MCM6: variants seen among roughly 807,000 people sequenced by gnomAD.
The protein encoded by MCM6 is minichromosome maintenance complex component 6.
Under a neutral mutation model 94.3 loss-of-function variants are expected in MCM6, and 46 were observed. The ratio of observed to expected loss-of-function variants is 0.49; its 90% confidence interval spans 0.39 to 0.62. The LOEUF is 0.62. Ranked by LOEUF, MCM6 falls within the 20% of genes least tolerant of loss-of-function variation. MCM6 has a pLI of 0.00. For missense variants in MCM6, 865 were observed against 1,017.9 expected (o/e 0.85, Z 2.04); for synonymous variants, 335 against 351.9 (o/e 0.95, Z 0.54).
rs751471309 is a variant in MCM6 at position 135,864,986 on chromosome 2, T to C, written c.1078+27A>G. On this transcript the variant is annotated intron_variant, in intron 7 of 16. Coordinates refer to ENST00000264156, the MANE Select transcript of MCM6 (RefSeq NM_005915.6). ...ATAATCATTATTTTGATTTCAAGTT[T>C]ATGGTACAAATGGATGGAATTCTTA... 2.2e-6 allele frequency: 3 copies of C among 1,349,012 alleles called. No individual in the cohort carries two copies. In the East Asian group the frequency reaches 8.0e-5, roughly 36 times the overall value. The allele number at this position is 1,349,012 out of a possible 1,614,324, so 83.6% of individuals were successfully genotyped here. A position where few individuals can be genotyped will look rare whatever the true frequency, so the allele number is the denominator to read the frequency against.
rs4988164 is a variant in MCM6 at position 135,870,438 on chromosome 2, G to A, written c.255-77C>T. ...TCCCTTTACATACCTACCAACAGCC[G>A]AGATTAAGGAATTTCATCTGGTTAC... On this transcript the variant is annotated intron_variant, in intron 2 of 16. Transcript: ENST00000264156. The A allele has an allele frequency of 3.4e-3, 3,213 of 932,108 alleles. 53 individuals carry two copies. In the African/African-American group the frequency reaches 0.047, roughly 14 times the overall value. The allele number at this position is 932,108 out of a possible 1,614,324, so 57.7% of individuals were successfully genotyped here.
intron 14 of MCM6, among the ~76,000 whole-genome samples, chr2:135,847,228 A>G (rs1442960520): frequency 7.2e-5 from 11 of 152,142 alleles, no homozygotes; most frequent in Non-Finnish European, 1.0e-4. Flanking sequence ...AGTCTGGGCA[A>G]TATGGCGAGA....
chr2:135,840,579 T>C lies in MCM6; in HGVS notation c.*256A>G, dbSNP rs894880032. 2 of 418,852 alleles carry C rather than the reference T, an allele frequency of 4.8e-6. No homozygotes were observed. Among genetic ancestry groups the C allele is most frequent in the African/African-American group, 2.0e-5 (1 of 50,104 alleles). The allele number at this position is 418,852 out of a possible 1,614,324, so 25.9% of individuals were successfully genotyped here. On this transcript the variant is annotated 3_prime_UTR_variant, in exon 17 of 17. Transcript: ENST00000264156. ...CACATGAAAACAAAGGTATTGGTTA[T>C]AGAGACTACACATTATTTGGTTCCA...
At chr2:135,849,145 T>C (rs925106676) in intron 13 of MCM6, among the ~76,000 whole-genome samples, 1 of 152,204 alleles carries the variant, frequency 6.6e-6, no homozygotes, top group Non-Finnish European at 1.5e-5. Flanking sequence ...TAGGAAGGCA[T>C]TTCTCTATCC....
In MCM6 at chr2:135,857,892, C is replaced by G. The variant is rs1445709068; in HGVS notation, c.1470+5G>C. 1.1e-5 allele frequency: 17 copies of G among 1,609,610 alleles called. No homozygotes were observed. Among genetic ancestry groups the G allele is most frequent in the Non-Finnish European group, 1.3e-5 (15 of 1,176,138 alleles). ...TGCAGCAGAACAGAAGTAGATAACA[C>G]ATACCTTCACTCCTGCTTTAGTGAT... On this transcript the variant is annotated splice_donor_5th_base_variant and intron_variant, in intron 10 of 16. Transcript: ENST00000264156.
At chr2:135,855,746 G>A (rs1239347660) in intron 11 of MCM6, among the ~76,000 whole-genome samples, 1 of 152,174 alleles carries the variant, frequency 6.6e-6, no homozygotes, top group Admixed American at 6.5e-5. Context: ...AAGTTCCACT[G>A]TAACAAAGAG....
intron 2 of MCM6, 130 bp from the exon 3 acceptor site, chr2:135,870,491 G>C: frequency 1.6e-6 from 1 of 633,218 alleles, no homozygotes; most frequent in Non-Finnish European, 2.8e-6. Context: ...TAACTGTGTA[G>C]GACACTTCTA....
At chr2:135,862,473 A>G (rs1030179502) in intron 8 of MCM6, 134 bp downstream of exon 8, 5 of 982,974 alleles carry the variant, frequency 5.1e-6, no homozygotes, top group Non-Finnish European at 7.2e-6. Flanking sequence ...ACTTTAATCT[A>G]TGAGAATTAT....
chr2:135,875,029 G>C (rs1426820882), intron 1 of MCM6, among the ~76,000 whole-genome samples: 4 of 152,160 alleles, frequency 2.6e-5, no homozygotes, highest in Admixed American at 2.6e-4. Flanking sequence ...AGAGGGTAAC[G>C]GAGGAGAGTT....
In MCM6 at chr2:135,868,788, T is replaced by C. The variant is rs1343219625; in HGVS notation, c.438A>G (p.Pro146=). The change falls in exon 4 of 17, where the codon CCA becomes CCG. Residue 146 remains proline, a synonymous_variant. Transcript: ENST00000264156. ...RISGQVVRTH[P]VHPELVSGTF... is the part of the protein sequence containing the mutation. ...TTCCGCTCACAAGCTCTGGGTGAAC[T>C]GGGTGAGTCCGCACCACCTGCCCAC... The C allele has an allele frequency of 1.2e-6, 2 of 1,614,208 alleles. No individual in the cohort carries two copies. Among genetic ancestry groups the C allele is most frequent in the Non-Finnish European group, 1.7e-6 (2 of 1,180,030 alleles).
intron 2 of MCM6, among the ~76,000 whole-genome samples, chr2:135,872,252 C>T (rs779766080): frequency 2.9e-4 from 44 of 152,052 alleles, no homozygotes; most frequent in Non-Finnish European, 4.7e-4. Context: ...TCGAGACCAG[C>T]CTGACCAACA....
At chr2:135,845,212 C>A (rs1481101835) in intron 15 of MCM6, among the ~76,000 whole-genome samples, 1 of 152,196 alleles carries the variant, frequency 6.6e-6, no homozygotes, top group African/African-American at 2.4e-5. Flanking sequence ...ACTAAGTGAA[C>A]TGCCTGCTGC....
intron 9 of MCM6, 136 bp from the exon 10 acceptor site, chr2:135,858,140 G>A (rs1287221161): frequency 2.7e-6 from 2 of 740,140 alleles, no homozygotes; most frequent in African/African-American, 3.5e-5. Flanking sequence ...GTTACAGTGA[G>A]CCATGATTGC....
Position 135,846,298 on chromosome 2 carries a change from G to A in MCM6, c.2148C>T (p.Gly716=). ...TAGAGATTCGGCAGTACTCAGAGAA[G>A]CCCAGCCTTAAGGAGGCTTTGGGAG... ...ESAPKASLRL[G]FSEYCRISNL... The change falls in exon 15 of 17, where the codon GGC becomes GGT. Residue 716 remains glycine, a synonymous_variant. Coordinates refer to ENST00000264156, the MANE Select transcript of MCM6 (RefSeq NM_005915.6). 1 of 1,614,104 alleles carries A rather than the reference G, an allele frequency of 6.2e-7. No individual in the cohort carries two copies. Among genetic ancestry groups the A allele is most frequent in the Non-Finnish European group, 8.5e-7 (1 of 1,179,982 alleles).
At chr2:135,858,377 C>T (rs1193750671) in intron 9 of MCM6, among the ~76,000 whole-genome samples, 1 of 152,126 alleles carries the variant, frequency 6.6e-6, no homozygotes, top group Non-Finnish European at 1.5e-5. Context: ...ATCCCAGATA[C>T]TCGGGAGGCT....
At chr2:135,847,930 T>C (rs1679702021) in intron 14 of MCM6, 123 bp downstream of exon 14, 2 of 640,714 alleles carry the variant, frequency 3.1e-6, no homozygotes, top group Admixed American at 4.8e-5. Context: ...GAATTCAGTA[T>C]CTGCTTTTTC....
intron 4 of MCM6, 59 bp from the exon 5 acceptor site, chr2:135,866,787 T>C (rs1314486072): frequency 7.2e-7 from 1 of 1,380,400 alleles, no homozygotes; most frequent in East Asian, 2.3e-5. Context: ...AGATGCCATA[T>C]AATCTAAATT....
chr2:135,872,651 G>A (rs1472554530), intron 2 of MCM6, 46 bp downstream of exon 2: 9 of 1,592,358 alleles, frequency 5.7e-6, no homozygotes, highest in Middle Eastern at 1.7e-4. Context: ...CTGGCTTCCC[G>A]GATTTCAACC....
intron 12 of MCM6, among the ~76,000 whole-genome samples, chr2:135,852,413 G>T (rs932552793): frequency 4.6e-5 from 7 of 152,054 alleles, no homozygotes; most frequent in African/African-American, 1.7e-4. Context: ...TATCATAATG[G>T]CCTAGATGAA....
Sources: gnomAD v4.1 joint callset for allele counts (sites outside exome capture counted in the v4.1 genomes callset) on GRCh38, gnomAD v4.1.1 for gene constraint, MANE v1.5 for transcripts, NCBI Gene and HGNC (gene_info 2026-07-23, HGNC 2026-07-21) for gene names.